Variants in IARS2 observed in about 807,000 individuals in gnomAD.
The protein encoded by IARS2 is isoleucyl-tRNA synthetase 2, mitochondrial.
In IARS2, 56 loss-of-function variants were observed where a neutral mutation model predicts 126.3. That is an observed-to-expected ratio of 0.44 (90% CI 0.36 to 0.55). The LOEUF (loss-of-function observed/expected upper bound fraction) is 0.55. Among genes scored for constraint, IARS2 ranks in the 20% least tolerant of loss-of-function variants. The pLI is 0.00. For missense variants in IARS2, 1,127 were observed against 1,245.9 expected (o/e 0.90, Z 1.44); for synonymous variants, 407 against 441.1 (o/e 0.92, Z 0.97).
chr1:220,113,633 A>G (rs926791033), intron 11 of IARS2, among the ~76,000 whole-genome samples: 1 of 141,718 alleles, frequency 7.1e-6, no homozygotes, highest in African/African-American at 3.1e-5. Context: ...ATAGATATAT[A>G]TATATAGAGA....
At chr1:220,140,554 G>T (rs1269810510) in intron 19 of IARS2, among the ~76,000 whole-genome samples, 6 of 152,206 alleles carry the variant, frequency 3.9e-5, no homozygotes, top group Non-Finnish European at 8.8e-5. Context: ...ACTCCAGCCT[G>T]GGTGACAGAG....
intron 12 of IARS2, 122 bp from the exon 13 acceptor site, chr1:220,125,113 AGC>A: frequency 1.9e-6 from 1 of 517,312 alleles, no homozygotes; most frequent in Non-Finnish European, 3.4e-6. Context: ...AAATGATAGC[AGC>A]TTTTTCTTCA....
intron 22 of IARS2, among the ~76,000 whole-genome samples, chr1:220,146,517 CAA>C (rs1186000971): frequency 8.1e-5 from 5 of 62,066 alleles, no homozygotes; most frequent in African/African-American, 1.7e-4. Context: ...GACTCCGTCT[CAA>C]AAAAAAAAAA....
At chr1:220,126,875 A>G in intron 14 of IARS2, 32 bp downstream of exon 14, 1 of 1,475,714 alleles carries the variant, frequency 6.8e-7, no homozygotes, top group Non-Finnish European at 9.3e-7. Flanking sequence ...ATGCCGATCA[A>G]GAAGTTTTGA....
Position 220,112,796 on chromosome 1 carries a change from C to A in IARS2, c.1480-1518C>A, listed in dbSNP as rs180769384. ...TTGGTGTCGAACTCCTGAGCTCAAGCAGTCTGCCTGCTTCGGCCTCTCAGA... is the reference window on the plus strand; with the variant it reads ...TTGGTGTCGAACTCCTGAGCTCAAGAAGTCTGCCTGCTTCGGCCTCTCAGA... On this transcript the variant is annotated intron_variant, in intron 11 of 22. Transcript: ENST00000366922. Among the ~76,000 whole-genome samples the A allele has an allele frequency of 2.1e-3, 325 of 152,106 alleles. 1 individual carries two copies. In the Middle Eastern group the frequency reaches 0.041, roughly 19 times the overall value.
In IARS2 at chr1:220,094,139, T is replaced by TC. The variant is rs1656383359; in HGVS notation, c.-74dup. On this transcript the variant is annotated 5_prime_UTR_variant, in exon 1 of 23. Coordinates refer to ENST00000366922, the MANE Select transcript of IARS2 (RefSeq NM_018060.4). ...GAGCGCGTGCGCCCTCTTACTCGGC[T>TC]CCCCTTGGTTTCCTGGGGTCCTGCC... 8.1e-7 allele frequency: 1 copy of TC among 1,228,108 alleles called. No individual in the cohort carries two copies. Among genetic ancestry groups the TC allele is most frequent in the South Asian group, 1.6e-5 (1 of 63,258 alleles). 76.1% of individuals were successfully genotyped at this position (1,228,108 alleles called of 1,614,324 possible). A position where few individuals can be genotyped will look rare whatever the true frequency, so the allele number is the denominator to read the frequency against.
chr1:220,146,384 G>A (rs759657915), intron 22 of IARS2, among the ~76,000 whole-genome samples: 2 of 151,976 alleles, frequency 1.3e-5, no homozygotes, highest in Non-Finnish European at 1.5e-5. Context: ...CAGGCGTGGC[G>A]GCGTGTGCCT....
Position 220,114,294 on chromosome 1 carries a change from G to A in IARS2, c.1480-20G>A. 1.2e-6 allele frequency: 2 copies of A among 1,604,694 alleles called. No homozygotes were observed. Among genetic ancestry groups the A allele is most frequent in the Non-Finnish European group, 1.7e-6 (2 of 1,171,424 alleles). ...TGTTCTGCTTTCTCTCACAAGACTT[G>A]ATTTATGAATTAATTGCAGGAATTG... On this transcript the variant is annotated intron_variant, in intron 11 of 22. Coordinates refer to ENST00000366922, the MANE Select transcript of IARS2 (RefSeq NM_018060.4).
intron 15 of IARS2, among the ~76,000 whole-genome samples, chr1:220,135,598 G>C (rs769967256): frequency 2.6e-5 from 4 of 151,860 alleles, no homozygotes; most frequent in African/African-American, 9.7e-5. Flanking sequence ...GCTCTCAAGG[G>C]ATTCACCCTC....
chr1:220,114,264 A>ATACT, intron 11 of IARS2, 50 bp from the exon 12 acceptor site: 1 of 1,526,268 alleles, frequency 6.6e-7, no homozygotes, highest in African/African-American at 1.4e-5. Context: ...CTGTTCTAGA[A>ATACT]TACTTGTTCT....
intron 10 of IARS2, among the ~76,000 whole-genome samples, chr1:220,108,940 C>T (rs936899888): frequency 4.4e-5 from 6 of 136,228 alleles, no homozygotes; most frequent in Non-Finnish European, 9.1e-5. Flanking sequence ...AGTATCAAAG[C>T]AGGTGGACTA....
intron 2 of IARS2, among the ~76,000 whole-genome samples, chr1:220,098,779 T>C (rs1395717037): frequency 1.3e-5 from 2 of 152,200 alleles, no homozygotes; most frequent in Non-Finnish European, 1.5e-5. Flanking sequence ...ATATTGCTAC[T>C]ATTCTTTTCA....
chr1:220,111,417 T>C (rs774350633), intron 11 of IARS2, among the ~76,000 whole-genome samples: 1 of 152,120 alleles, frequency 6.6e-6, no homozygotes, highest in African/African-American at 2.4e-5. Flanking sequence ...TTAAAAAAGT[T>C]ACTGTTCTGC....
At chr1:220,121,865 G>A (rs1036764883) in intron 12 of IARS2, among the ~76,000 whole-genome samples, 3 of 152,194 alleles carry the variant, frequency 2.0e-5, no homozygotes, top group African/African-American at 7.2e-5. Context: ...GCTAAGGCTG[G>A]AGGATTGCAT....
intron 2 of IARS2, among the ~76,000 whole-genome samples, chr1:220,097,685 C>T (rs1219008992): frequency 6.6e-6 from 1 of 151,940 alleles, no homozygotes; most frequent in Admixed American, 6.6e-5. Context: ...TATAAAAGTC[C>T]TGGAATTGAA....
intron 8 of IARS2, among the ~76,000 whole-genome samples, chr1:220,104,867 C>G (rs1358562863): frequency 3.9e-5 from 6 of 151,958 alleles, no homozygotes; most frequent in African/African-American, 1.5e-4. Flanking sequence ...TATGATATAT[C>G]TTTTAATTTC....
rs1014867894 is a variant in IARS2, at chr1:220,134,496, G to C, written c.1932G>C (p.Lys644Asn). The change falls in exon 15 of 23, where the codon AAG (lysine) becomes AAC (asparagine). Residue 644 changes from lysine to asparagine, a missense_variant. Physicochemically the swap from Lys to Asn is moderately conservative, Grantham distance 94. Transcript: ENST00000366922. ...SSLLTSVAAR[K>N]RAPYKTVIVH... is the part of the protein sequence containing the mutation. ...TATTAACAAGTGTGGCAGCAAGGAAGAGAGCACCTTATAAGTAAGTATTTA... is the reference window on the plus strand; with the variant it reads ...TATTAACAAGTGTGGCAGCAAGGAACAGAGCACCTTATAAGTAAGTATTTA... 12 of 1,611,060 alleles carry C rather than the reference G, an allele frequency of 7.4e-6. No homozygotes were observed. Among genetic ancestry groups the C allele is most frequent in the African/African-American group, 1.3e-5 (1 of 74,746 alleles).
chr1:220,126,289 T>C (rs1226999520), intron 13 of IARS2, among the ~76,000 whole-genome samples: 1 of 151,622 alleles, frequency 6.6e-6, no homozygotes, highest in African/African-American at 2.4e-5. Flanking sequence ...ACAAAACAAA[T>C]CAAAAAGTGT....
chr1:220,119,256 A>G (rs1389126968), intron 12 of IARS2, among the ~76,000 whole-genome samples: 2 of 152,088 alleles, frequency 1.3e-5, no homozygotes, highest in African/African-American at 4.8e-5. Flanking sequence ...CACGTAATGC[A>G]TGTGTTGAGA....
Sources: gnomAD v4.1 joint callset for allele counts (sites outside exome capture counted in the v4.1 genomes callset) on GRCh38, gnomAD v4.1.1 for gene constraint, MANE v1.5 for transcripts, NCBI Gene and HGNC (gene_info 2026-07-23, HGNC 2026-07-21) for gene names.